EBF1: variants seen among roughly 807,000 people sequenced by gnomAD.
EBF1 encodes the protein EBF transcription factor 1, also known as transcription factor COE1.
A neutral mutation model predicts 68.4 loss-of-function variants in EBF1; 10 were observed. The observed-to-expected ratio is 0.15, with a 90% CI of 0.09 to 0.25. The LOEUF is 0.25. EBF1 is among the 10% of genes least tolerant of loss of function. The pLI, the probability that EBF1 is intolerant of heterozygous loss-of-function variation, is 1.00. For synonymous variants in EBF1, 298 were observed against 299.8 expected (o/e 0.99, Z 0.06); for missense variants, 509 against 794.4 (o/e 0.64, Z 4.32).
chr5:158,702,757 A>G (rs1432632041), intron 15 of EBF1, among the ~76,000 whole-genome samples: 2 of 149,790 alleles, frequency 1.3e-5, no homozygotes, highest in African/African-American at 4.9e-5. Context: ...AAAAAAAAAA[A>G]AAAAAAAAAA....
intron 10 of EBF1, among the ~76,000 whole-genome samples, chr5:158,758,418 G>C (rs1042992914): frequency 3.8e-4 from 58 of 152,064 alleles, no homozygotes; most frequent in African/African-American, 1.4e-3. Context: ...CTGAATTTGA[G>C]ACTACACTAT....
intron 10 of EBF1, among the ~76,000 whole-genome samples, chr5:158,733,718 G>C (rs1764590481): frequency 6.6e-6 from 1 of 152,076 alleles, no homozygotes; most frequent in Non-Finnish European, 1.5e-5. Context: ...TTTATGATTT[G>C]CTGTCTGTTC....
intron 8 of EBF1, among the ~76,000 whole-genome samples, chr5:158,808,454 C>T (rs1781998913): frequency 6.6e-6 from 1 of 152,140 alleles, no homozygotes; most frequent in South Asian, 2.1e-4. Context: ...GGCCCATTCT[C>T]CCTTTCTAGC....
intron 6 of EBF1, among the ~76,000 whole-genome samples, chr5:158,945,581 C>A (rs1561589424): frequency 6.6e-6 from 1 of 152,220 alleles, no homozygotes; most frequent in Non-Finnish European, 1.5e-5. Context: ...GTAACCCAAC[C>A]TTTCTCTCTG....
At chr5:158,786,664 TCA>T (rs1554133164) in intron 9 of EBF1, among the ~76,000 whole-genome samples, 6 of 152,196 alleles carry the variant, frequency 3.9e-5, no homozygotes, top group Non-Finnish European at 7.3e-5. Context: ...AGAAGGAACA[TCA>T]TTCCCTACTC....
At chr5:159,081,093 A>T (rs2127972130) in intron 5 of EBF1, among the ~76,000 whole-genome samples, 1 of 151,954 alleles carries the variant, frequency 6.6e-6, no homozygotes. Flanking sequence ...CGATCCTCCC[A>T]CCTCAGCCCC....
intron 14 of EBF1, among the ~76,000 whole-genome samples, chr5:158,710,523 A>T (rs1758977977): frequency 6.6e-6 from 1 of 152,234 alleles, no homozygotes; most frequent in Admixed American, 6.5e-5. Flanking sequence ...CTAATGTGAA[A>T]CTGATCCTAA....
At chr5:159,092,409 C>A (rs1223266557) in intron 4 of EBF1, among the ~76,000 whole-genome samples, 1 of 152,120 alleles carries the variant, frequency 6.6e-6, no homozygotes, top group Non-Finnish European at 1.5e-5. Flanking sequence ...TAAGGGATCT[C>A]AGATTCTTAT....
At chr5:159,099,041 C>T (rs926369587) in intron 1 of EBF1, among the ~76,000 whole-genome samples, 2 of 152,122 alleles carry the variant, frequency 1.3e-5, no homozygotes, top group African/African-American at 4.8e-5. Flanking sequence ...ACACAGATCT[C>T]CAACATGCTG....
At chr5:158,781,566 A>G (rs1776458098) in intron 9 of EBF1, among the ~76,000 whole-genome samples, 1 of 152,180 alleles carries the variant, frequency 6.6e-6, no homozygotes, top group Non-Finnish European at 1.5e-5. Flanking sequence ...TAAATTTATC[A>G]TCTTACTACC....
At chr5:158,823,088 A>G in intron 8 of EBF1, 88 bp downstream of exon 8, 1 of 1,574,280 alleles carries the variant, frequency 6.4e-7, no homozygotes, top group Non-Finnish European at 8.7e-7. Flanking sequence ...TTTGAAACAG[A>G]ATAGAACATG....
intron 6 of EBF1, among the ~76,000 whole-genome samples, chr5:159,027,248 A>C (rs559666195): frequency 3.3e-5 from 5 of 152,182 alleles, no homozygotes; most frequent in African/African-American, 4.8e-5. Flanking sequence ...TGACTTGAAC[A>C]CTTTTCAGAG....
intron 6 of EBF1, among the ~76,000 whole-genome samples, chr5:159,016,274 T>G (rs1475194823): frequency 6.6e-6 from 1 of 152,184 alleles, no homozygotes; most frequent in Non-Finnish European, 1.5e-5. Flanking sequence ...ACAAACACAC[T>G]GTGTTCTCTG....
intron 6 of EBF1, among the ~76,000 whole-genome samples, chr5:159,014,072 C>T (rs764488132): frequency 1.5e-4 from 23 of 152,168 alleles, no homozygotes; most frequent in Non-Finnish European, 3.1e-4. Context: ...TTGAGTTCTA[C>T]AGAGAAAGGA....
At chr5:159,036,223 A>C (rs1770023352) in intron 6 of EBF1, among the ~76,000 whole-genome samples, 1 of 152,216 alleles carries the variant, frequency 6.6e-6, no homozygotes, top group African/African-American at 2.4e-5. Flanking sequence ...TTCTGATAAG[A>C]AGATCAGCTC....
intron 13 of EBF1, 43 bp from the exon 14 acceptor site, chr5:158,712,376 A>C (rs1375044287): frequency 6.2e-7 from 1 of 1,602,558 alleles, no homozygotes; most frequent in Non-Finnish European, 8.5e-7. Context: ...TGGCATTCAG[A>C]TGGTGGCAAT....
intron 7 of EBF1, among the ~76,000 whole-genome samples, chr5:158,833,671 G>A (rs1178787939): frequency 6.6e-6 from 1 of 152,208 alleles, no homozygotes; most frequent in Non-Finnish European, 1.5e-5. Context: ...TAGAATAGGA[G>A]AGGCATAAAA....
intron 6 of EBF1, among the ~76,000 whole-genome samples, chr5:158,865,272 T>A (rs1795675446): frequency 1.3e-5 from 2 of 152,160 alleles, no homozygotes; most frequent in African/African-American, 2.4e-5. Context: ...CTCCAAAATG[T>A]TAGAGGCAGC....
intron 6 of EBF1, among the ~76,000 whole-genome samples, chr5:158,876,633 T>C (rs1488006244): frequency 6.6e-6 from 1 of 152,194 alleles, no homozygotes; most frequent in Non-Finnish European, 1.5e-5. Context: ...TATTATTCAG[T>C]TTAAGAAGTT....
Sources: allele counts gnomAD v4.1 joint callset (sites outside exome capture counted in the v4.1 genomes callset), GRCh38; gene constraint gnomAD v4.1.1; transcripts MANE v1.5; gene names NCBI Gene and HGNC (gene_info 2026-07-23, HGNC 2026-07-21).